PHYH: variants seen among roughly 807,000 people sequenced by gnomAD.
PHYH encodes phytanoyl-CoA dioxygenase, peroxisomal.
PHYH carries 32 observed loss-of-function variants against 38.5 expected under a neutral mutation model. That is an observed-to-expected ratio of 0.83 (90% CI 0.63 to 1.12). The LOEUF (loss-of-function observed/expected upper bound fraction) is 1.12. PHYH is among the 50% of genes most tolerant of loss of function. The pLI is 0.00. For missense variants in PHYH, 426 were observed against 434.8 expected (o/e 0.98, Z 0.18); for synonymous variants, 166 against 157.9 (o/e 1.05, Z -0.38).
rs398012850 is a variant in PHYH, at chr10:13,283,131, A to ATTTTTTTTTT, written c.828+549_828+558dup. 2.9e-3 allele frequency among the ~76,000 whole-genome samples: 339 copies of ATTTTTTTTTT among 117,850 alleles called. 16 individuals are homozygous for ATTTTTTTTTT. Among genetic ancestry groups the ATTTTTTTTTT allele is most frequent in the South Asian group, 3.5e-3 (12 of 3,426 alleles). 77.3% of individuals were successfully genotyped at this position (117,850 alleles called of 152,430 possible). ...CCACTGCACCTGGCTTTCATAATCA[A>ATTTTTTTTTT]TTTTTTTTTTTTTTTTTGAGACGGA... On this transcript the variant is annotated intron_variant, in intron 7 of 8. Transcript: ENST00000263038.
chr10:13,284,393 A>G (rs1588508126), intron 6 of PHYH, among the ~76,000 whole-genome samples: 1 of 152,184 alleles, frequency 6.6e-6, no homozygotes, highest in Non-Finnish European at 1.5e-5. Flanking sequence ...GGAGGAAATG[A>G]ACAGTGTGGA....
At chr10:13,298,952 TAATAATAATAATAACAAC>T (rs1832662284) in intron 1 of PHYH, among the ~76,000 whole-genome samples, 1 of 64,486 alleles carries the variant, frequency 1.6e-5, no homozygotes, top group African/African-American at 3.2e-5. Context: ...ATAATAATAA[TAATAATAATAATAACAAC>T]AATAACAACA....
chr10:13,291,568 C>A, intron 5 of PHYH: 1 of 481,488 alleles, frequency 2.1e-6, no homozygotes. Flanking sequence ...CAGCCTTCAA[C>A]TCCTGGGCTC....
chr10:13,291,863 T>G lies in PHYH; in HGVS notation c.464A>C (p.His155Pro). The G allele has an allele frequency of 6.2e-7, 1 of 1,610,960 alleles. No homozygotes were observed. Among genetic ancestry groups the G allele is most frequent in the East Asian group, 2.2e-5 (1 of 44,862 alleles). Residue 155 changes from histidine (H) to proline (P), a missense_variant, in exon 5 of 9, where the codon CAC becomes CCC. Transcript: ENST00000263038. ...TGGAGGTTTGTTTATCAACATTGTG[T>G]GCATGGCCATAATATTAGGTCCAGT... ...CFTGPNIMAM[H>P]TMLINKPPDS...
intron 7 of PHYH, among the ~76,000 whole-genome samples, chr10:13,283,266 A>G (rs1468554560): frequency 1.3e-5 from 2 of 150,924 alleles, no homozygotes; most frequent in South Asian, 2.1e-4. Flanking sequence ...AGTAGCTGGG[A>G]CTACAGGCGC....
chr10:13,293,860 C>G (rs911551426), intron 4 of PHYH, among the ~76,000 whole-genome samples: 1 of 151,764 alleles, frequency 6.6e-6, no homozygotes, highest in Non-Finnish European at 1.5e-5. Context: ...TAATTTATAC[C>G]TCCTAAAATC....
chr10:13,292,908 G>A (rs1835747650), intron 4 of PHYH, among the ~76,000 whole-genome samples: 1 of 141,816 alleles, frequency 7.1e-6, no homozygotes, highest in Non-Finnish European at 1.5e-5. Flanking sequence ...AGTCCAGCCT[G>A]GGCAACAAGA....
intron 6 of PHYH, 83 bp downstream of exon 6, chr10:13,288,277 T>G: frequency 1.6e-6 from 2 of 1,217,964 alleles, no homozygotes; most frequent in Non-Finnish European, 2.4e-6. Flanking sequence ...GCCATCTCAT[T>G]TGTAAACTCT....
In PHYH at chr10:13,283,727, T is replaced by G. The variant is rs1835473764; in HGVS notation, c.791A>C (p.His264Pro). 1.2e-6 allele frequency: 2 copies of G among 1,614,048 alleles called. No homozygotes were observed. The highest frequency in any genetic ancestry group is 3.3e-5 in the Admixed American group (2 of 59,996). The change falls in exon 7 of 9, where the codon CAC (histidine) becomes CCC (proline). Residue 264 changes from histidine (H) to proline (P), a missense_variant. Coordinates refer to ENST00000263038, the MANE Select transcript of PHYH (RefSeq NM_006214.4). Reference protein sequence around the residue: ...DTVFFHPLLIHGSGQNKTQGF... With the variant: ...DTVFFHPLLIPGSGQNKTQGF... ...CTGGGTTTTATTCTGACCAGATCCG[T>G]GGATGAGCAAAGGATGGAAGAAAAC... is the stretch of plus-strand genomic sequence containing the variant.
intron 5 of PHYH, among the ~76,000 whole-genome samples, chr10:13,290,179 C>G (rs1835672292): frequency 6.8e-6 from 1 of 146,642 alleles, no homozygotes; most frequent in Non-Finnish European, 1.5e-5. Context: ...CCTGTAATCC[C>G]AGCTATTCAG....
intron 6 of PHYH, among the ~76,000 whole-genome samples, chr10:13,285,210 G>C (rs567263241): frequency 2.6e-4 from 39 of 152,284 alleles, no homozygotes; most frequent in African/African-American, 9.1e-4. Context: ...CTGAGATGGA[G>C]TCTTGCTCTG....
chr10:13,286,204 A>G (rs1334583221), intron 6 of PHYH, among the ~76,000 whole-genome samples: 1 of 152,086 alleles, frequency 6.6e-6, no homozygotes, highest in African/African-American at 2.4e-5. Flanking sequence ...TAACGCGTTA[A>G]TAGTCATCTC....
chr10:13,298,466 C>G (rs1050633785), intron 1 of PHYH, among the ~76,000 whole-genome samples: 4 of 151,688 alleles, frequency 2.6e-5, no homozygotes, highest in African/African-American at 4.8e-5. Context: ...TTTGGGAGGC[C>G]GAGGCGGATG....
intron 8 of PHYH, among the ~76,000 whole-genome samples, chr10:13,280,183 G>T (rs915444367): frequency 6.6e-6 from 1 of 152,176 alleles, no homozygotes; most frequent in Non-Finnish European, 1.5e-5. Flanking sequence ...TGGCCAGGAA[G>T]GTCTCGATCT....
At chr10:13,286,714 A>AC (rs1828364098) in intron 6 of PHYH, among the ~76,000 whole-genome samples, 1 of 150,798 alleles carries the variant, frequency 6.6e-6, no homozygotes, top group South Asian at 2.1e-4. Context: ...AAAAAAAAAA[A>AC]AACAACAAAA....
At chr10:13,299,089 T>C (rs1356800670) in intron 1 of PHYH, among the ~76,000 whole-genome samples, 2 of 141,704 alleles carry the variant, frequency 1.4e-5, no homozygotes, top group Non-Finnish European at 3.0e-5. Context: ...ATCGTACCAC[T>C]ACTGCACTCC....
At chr10:13,294,650 C>T in intron 3 of PHYH, 54 bp from the exon 4 acceptor site, 1 of 1,503,034 alleles carries the variant, frequency 6.7e-7, no homozygotes, top group Non-Finnish European at 9.2e-7. Context: ...AAGCACCTGC[C>T]CTGCCCTCCT....
chr10:13,290,115 C>CAAAAAAAAAAAA (rs1172422242), intron 5 of PHYH, among the ~76,000 whole-genome samples: 3 of 33,390 alleles, frequency 9.0e-5, no homozygotes, highest in African/African-American at 3.8e-4. Context: ...CTAAAAATAC[C>CAAAAAAAAAAAA]AAAAAAAAAA....
At position 13,299,975 on chromosome 10, in the gene PHYH, C is replaced by T. The variant is rs1260436434; in HGVS notation, c.68G>A (p.Gly23Glu). ...VLGHLGRPSA[G>E]AVVAHPTSGT... ...GCGCAGCCCAAAGGATACGACAGCC[C>T]CGGCCGAGGGGCGGCCGAGGTGGCC... Residue 23 changes from glycine to glutamate, a missense_variant, in exon 1 of 9, where the codon GGG becomes GAG. Gly to Glu is a moderately conservative substitution (Grantham distance 98, BLOSUM62 -2). Coordinates refer to ENST00000263038, the MANE Select transcript of PHYH (RefSeq NM_006214.4). The T allele has an allele frequency of 2.6e-6, 4 of 1,530,680 alleles. No individual in the cohort carries two copies. Among genetic ancestry groups the T allele is most frequent in the Admixed American group, 2.0e-5 (1 of 50,594 alleles). The allele number at this position is 1,530,680 out of a possible 1,614,324, so 94.8% of individuals were successfully genotyped here. A position where few individuals can be genotyped will look rare whatever the true frequency, so the allele number is the denominator to read the frequency against.
Sources: allele counts gnomAD v4.1 joint callset (sites outside exome capture counted in the v4.1 genomes callset), GRCh38; gene constraint gnomAD v4.1.1; transcripts MANE v1.5; gene names NCBI Gene and HGNC (gene_info 2026-07-23, HGNC 2026-07-21).